Variants in RBFOX2 observed in about 807,000 individuals in gnomAD.
The protein encoded by RBFOX2 is RNA binding fox-1 homolog 2.
A neutral mutation model predicts 49.1 loss-of-function variants in RBFOX2; 10 were observed. That is an observed-to-expected ratio of 0.20 (90% CI 0.13 to 0.35). RBFOX2 has a LOEUF of 0.35. RBFOX2 is among the 10% of genes least tolerant of loss of function. The probability of loss-of-function intolerance (pLI) is 1.00; values close to 1 mark genes in which losing one functional copy is unlikely to be tolerated. For missense variants in RBFOX2, 323 were observed against 486.9 expected (o/e 0.66, Z 3.17); for synonymous variants, 183 against 187.4 (o/e 0.98, Z 0.19).
intron 1 of RBFOX2, among the ~76,000 whole-genome samples, chr22:35,991,162 A>G (rs917776705): frequency 1.3e-5 from 2 of 152,146 alleles, no homozygotes; most frequent in African/African-American, 4.8e-5. Context: ...GAGGATGTAA[A>G]GTCCTGAGAA....
intron 1 of RBFOX2, among the ~76,000 whole-genome samples, chr22:35,891,403 G>C (rs1019839254): frequency 3.3e-5 from 5 of 151,708 alleles, no homozygotes; most frequent in African/African-American, 1.2e-4. Context: ...AAAGTGCTAG[G>C]ATTACAGGCG....
chr22:35,872,725 C>A (rs938102025), intron 1 of RBFOX2, among the ~76,000 whole-genome samples: 11 of 152,234 alleles, frequency 7.2e-5, no homozygotes, highest in African/African-American at 2.7e-4. Flanking sequence ...CACCATCCAG[C>A]TGCTTGTATC....
chr22:35,893,161 A>G (rs953720701), intron 1 of RBFOX2, among the ~76,000 whole-genome samples: 1 of 152,254 alleles, frequency 6.6e-6, no homozygotes, highest in African/African-American at 2.4e-5. Context: ...ACAAAGTGGT[A>G]AACAAATTAG....
At chr22:35,863,604 C>T (rs1169758128) in intron 1 of RBFOX2, among the ~76,000 whole-genome samples, 1 of 151,986 alleles carries the variant, frequency 6.6e-6, no homozygotes, top group African/African-American at 2.4e-5. Context: ...AGACAGGGCT[C>T]TAAGAGCAGC....
At position 35,828,946 on chromosome 22, in the gene RBFOX2, G is replaced by A. The variant is rs200395754; in HGVS notation, c.27+11246C>T. 7.2e-5 allele frequency among the ~76,000 whole-genome samples: 11 copies of A among 152,242 alleles called. No individual in the cohort carries two copies. In the East Asian group the frequency reaches 1.7e-3, roughly 24 times the overall value. On this transcript the variant is annotated intron_variant, in intron 1 of 11. Coordinates refer to ENST00000405409, the Ensembl canonical transcript of RBFOX2. ...CGCACCTGTAATCCCAGCTACTCGGGAGGCTGAGGCAGGAGAATCGCTTGA... is the reference window on the plus strand; with the variant it reads ...CGCACCTGTAATCCCAGCTACTCGGAAGGCTGAGGCAGGAGAATCGCTTGA...
At position 36,022,552 on chromosome 22, in the gene RBFOX2, A is replaced by G. The variant is rs571053825; in HGVS notation, c.186+5688T>C. 2.6e-5 allele frequency among the ~76,000 whole-genome samples: 4 copies of G among 152,330 alleles called. No homozygotes were observed. In the South Asian group the frequency reaches 6.2e-4, roughly 24 times the overall value. On this transcript the variant is annotated intron_variant, in intron 1 of 13. Transcript: ENST00000438146. Reference sequence around the variant, plus strand: ...GCAGACTTCCTTGTAAGACATGGGGAAAAAAGCAACAAGTTTTACATGACT... The same window carrying G: ...GCAGACTTCCTTGTAAGACATGGGGGAAAAAGCAACAAGTTTTACATGACT...
chr22:35,855,992 G>C (rs2042468629), intron 1 of RBFOX2, among the ~76,000 whole-genome samples: 1 of 151,442 alleles, frequency 6.6e-6, no homozygotes, highest in African/African-American at 2.4e-5. Context: ...AGGAGACAGA[G>C]TGAGACTCTG....
At chr22:35,904,798 G>A (rs1397859443) in intron 1 of RBFOX2, among the ~76,000 whole-genome samples, 6 of 152,126 alleles carry the variant, frequency 3.9e-5, no homozygotes, top group Non-Finnish European at 1.5e-5. Flanking sequence ...CTAGAACTAC[G>A]TCGTCTAACA....
At chr22:35,928,256 G>T (rs942697677) in intron 1 of RBFOX2, among the ~76,000 whole-genome samples, 2 of 152,066 alleles carry the variant, frequency 1.3e-5, no homozygotes, top group African/African-American at 2.4e-5. Flanking sequence ...CTGTTGGGGG[G>T]GCAGGGGTGT....
At chr22:35,780,654 A>G (rs907855020) in intron 3 of RBFOX2, among the ~76,000 whole-genome samples, 1 of 152,248 alleles carries the variant, frequency 6.6e-6, no homozygotes, top group Admixed American at 6.5e-5. Context: ...TATAAAAACA[A>G]AACACTGAGG....
intron 1 of RBFOX2, among the ~76,000 whole-genome samples, chr22:35,819,292 A>T (rs1953910501): frequency 6.6e-6 from 1 of 152,190 alleles, no homozygotes. Flanking sequence ...CCACAATATA[A>T]ATAATCATTC....
chr22:35,766,209 A>G (rs971717201), intron 5 of RBFOX2, among the ~76,000 whole-genome samples: 1 of 152,206 alleles, frequency 6.6e-6, no homozygotes, highest in African/African-American at 2.4e-5. Context: ...TAGGTGTTAC[A>G]AAGATGCTGC....
intron 1 of RBFOX2, among the ~76,000 whole-genome samples, chr22:35,946,121 C>T (rs968495763): frequency 2.0e-5 from 3 of 152,024 alleles, no homozygotes; most frequent in African/African-American, 7.2e-5. Flanking sequence ...CAATAGTGGT[C>T]GCAGGTGTCT....
chr22:35,896,419 C>A lies in RBFOX2; in HGVS notation c.-34+42428G>T, dbSNP rs73413856. Among the ~76,000 whole-genome samples, 224 of 152,320 alleles carry A rather than the reference C, an allele frequency of 1.5e-3. 2 individuals carry two copies. The highest frequency in any genetic ancestry group is 5.2e-3 in the African/African-American group (217 of 41,570). On this transcript the variant is annotated intron_variant, in intron 1 of 13. Transcript: ENST00000359369. Reference sequence around the variant, plus strand: ...AAAGCAAACAAAAACCACCTTCCAGCTGCCTCAGGGTTTTGGCTCCCCCTC... The same window carrying A: ...AAAGCAAACAAAAACCACCTTCCAGATGCCTCAGGGTTTTGGCTCCCCCTC...
At chr22:35,990,571 A>G (rs1446184900) in intron 1 of RBFOX2, among the ~76,000 whole-genome samples, 1 of 152,196 alleles carries the variant, frequency 6.6e-6, no homozygotes, top group Admixed American at 6.6e-5. Flanking sequence ...TTCTAAATTG[A>G]CTAACCCCAA....
chr22:35,930,766 G>A (rs2052304089), intron 1 of RBFOX2, among the ~76,000 whole-genome samples: 1 of 152,108 alleles, frequency 6.6e-6, no homozygotes, highest in African/African-American at 2.4e-5. Flanking sequence ...GGAGGCGGAG[G>A]TTGCAGTAAG....
intron 1 of RBFOX2, among the ~76,000 whole-genome samples, chr22:35,822,140 G>A (rs1295554734): frequency 6.6e-6 from 1 of 152,174 alleles, no homozygotes; most frequent in Non-Finnish European, 1.5e-5. Context: ...GTTTCAGGTT[G>A]TTTTCTAGAG....
intron 1 of RBFOX2, among the ~76,000 whole-genome samples, chr22:35,973,938 A>G (rs2057012329): frequency 6.6e-6 from 1 of 152,184 alleles, no homozygotes; most frequent in Non-Finnish European, 1.5e-5. Flanking sequence ...CAAGACTTCA[A>G]ACACATTCGG....
chr22:35,807,381 T>TA (rs576713349), intron 2 of RBFOX2, among the ~76,000 whole-genome samples: 36 of 151,860 alleles, frequency 2.4e-4, no homozygotes, highest in African/African-American at 8.7e-4. Context: ...CTCAATAAAT[T>TA]AAAAAAAATT....
Sources: gnomAD v4.1 joint callset for allele counts (sites outside exome capture counted in the v4.1 genomes callset) on GRCh38, gnomAD v4.1.1 for gene constraint, MANE v1.5 for transcripts, NCBI Gene and HGNC (gene_info 2026-07-23, HGNC 2026-07-21) for gene names.